CHN2: variants seen among roughly 807,000 people sequenced by gnomAD.
The protein encoded by CHN2 is beta-chimaerin.
In CHN2, 35 loss-of-function variants were observed where a neutral mutation model predicts 56.3. The observed-to-expected ratio is 0.62, with a 90% CI of 0.47 to 0.82. The LOEUF is 0.82. Ranked by LOEUF, CHN2 falls within the 40% of genes least tolerant of loss-of-function variation. The probability of loss-of-function intolerance (pLI) is 0.00; values close to 1 mark genes in which losing one functional copy is unlikely to be tolerated. For synonymous variants in CHN2, 210 were observed against 212.8 expected (o/e 0.99, Z 0.12); for missense variants, 491 against 580.5 (o/e 0.85, Z 1.58).
intron 6 of CHN2, among the ~76,000 whole-genome samples, chr7:29,456,615 T>A (rs10216022): frequency 7.2e-5 from 2 of 27,966 alleles, no homozygotes; most frequent in East Asian, 2.6e-3. Flanking sequence ...ACCCGCCCCC[T>A]CCCCCCCACC....
chr7:29,511,477 T>C (rs1452106597), intron 12 of CHN2, among the ~76,000 whole-genome samples: 1 of 152,226 alleles, frequency 6.6e-6, no homozygotes, highest in Non-Finnish European at 1.5e-5. Flanking sequence ...ACTGTATCTT[T>C]ATCATAGTGG....
At chr7:29,335,128 G>A (rs1263133919) in intron 1 of CHN2, among the ~76,000 whole-genome samples, 1 of 152,206 alleles carries the variant, frequency 6.6e-6, no homozygotes, top group Non-Finnish European at 1.5e-5. Flanking sequence ...AACAGAGCAT[G>A]CCTTCTTTCT....
chr7:29,266,275 C>T (rs943396171), intron 1 of CHN2, among the ~76,000 whole-genome samples: 1 of 152,204 alleles, frequency 6.6e-6, no homozygotes, highest in African/African-American at 2.4e-5. Flanking sequence ...TCTGTAACTC[C>T]TCCCTCCTCC....
At chr7:29,416,643 A>G (rs1176647625) in intron 6 of CHN2, among the ~76,000 whole-genome samples, 1 of 152,180 alleles carries the variant, frequency 6.6e-6, no homozygotes, top group African/African-American at 2.4e-5. Flanking sequence ...TGGTCCGGGA[A>G]CCACAGTTTG....
chr7:29,286,643 C>A (rs543092948), intron 1 of CHN2, among the ~76,000 whole-genome samples: 1 of 152,256 alleles, frequency 6.6e-6, no homozygotes, highest in East Asian at 1.9e-4. Context: ...GGTCATTGTT[C>A]TTGACAGCAC....
chr7:29,158,475 G>C (rs1036180417), intron 2 of CHN2, among the ~76,000 whole-genome samples: 1 of 152,174 alleles, frequency 6.6e-6, no homozygotes, highest in Admixed American at 6.5e-5. Context: ...GCTGAATCCT[G>C]AAAATTCAGG....
At chr7:29,214,477 A>G (rs1415249207) in intron 1 of CHN2, among the ~76,000 whole-genome samples, 1 of 152,204 alleles carries the variant, frequency 6.6e-6, no homozygotes, top group Non-Finnish European at 1.5e-5. Context: ...ACGCTTTGAC[A>G]GGAGGCTTCA....
Position 29,310,700 on chromosome 7 carries a change from C to T in CHN2, c.50-43925C>T, listed in dbSNP as rs377599177. Reference sequence around the variant, plus strand: ...ACAGGTTTGGTGTCTGGTGAAAACCCATTTCCTGATTCATAAACAGGGCCT... The same window carrying T: ...ACAGGTTTGGTGTCTGGTGAAAACCTATTTCCTGATTCATAAACAGGGCCT... On this transcript the variant is annotated intron_variant, in intron 1 of 12. Coordinates refer to ENST00000222792, the MANE Select transcript of CHN2 (RefSeq NM_004067.4). 3.3e-5 allele frequency among the ~76,000 whole-genome samples: 5 copies of T among 152,260 alleles called. No individual in the cohort carries two copies. The South Asian group carries it at 1.0e-3, about 32-fold the overall frequency.
intron 1 of CHN2, among the ~76,000 whole-genome samples, chr7:29,297,676 C>T (rs933120333): frequency 5.3e-5 from 8 of 151,970 alleles, no homozygotes; most frequent in African/African-American, 1.9e-4. Context: ...AAACGTTACC[C>T]TTTTGCCAGC....
upstream of CHN2, among the ~76,000 whole-genome samples, chr7:29,189,936 A>C (rs1053693245): frequency 1.7e-4 from 26 of 152,320 alleles, no homozygotes; most frequent in African/African-American, 5.5e-4. Flanking sequence ...GGAATTGGGT[A>C]GCAGAGGCGG....
intron 1 of CHN2, chr7:29,197,895 T>A (rs1783869523): frequency 8.8e-6 from 4 of 456,174 alleles, no homozygotes; most frequent in Admixed American, 7.0e-5. Flanking sequence ...AGTTGGGCCT[T>A]GAAAGCTGAG....
chr7:29,458,377 GCACACACACACACA>G (rs58364010), intron 6 of CHN2, among the ~76,000 whole-genome samples: 171 of 136,012 alleles, frequency 1.3e-3, no homozygotes, highest in East Asian at 5.9e-3. Context: ...GCATAGCTGT[GCACACACACACACA>G]CACACACACA....
At chr7:29,234,370 A>G (rs245952) in intron 1 of CHN2, among the ~76,000 whole-genome samples, 59,612 of 152,046 alleles carry the variant, frequency 0.39, 11,899 homozygotes, top group East Asian at 0.54. Flanking sequence ...AAAGCAGCAG[A>G]TTCTAAACCT....
intron 2 of CHN2, among the ~76,000 whole-genome samples, chr7:29,358,059 A>C (rs10269930): frequency 0.22 from 34,109 of 152,166 alleles, 4,521 homozygotes; most frequent in Non-Finnish European, 0.3. Flanking sequence ...TTTACTAGAG[A>C]CAGTATATTT....
chr7:29,465,312 C>G (rs1785471488), intron 6 of CHN2, among the ~76,000 whole-genome samples: 1 of 152,190 alleles, frequency 6.6e-6, no homozygotes, highest in African/African-American at 2.4e-5. Context: ...TAGCTAAACT[C>G]AAATGTCAAC....
chr7:29,201,270 GTCTCATGCCAC>G (rs1784138535), intron 1 of CHN2, among the ~76,000 whole-genome samples: 3 of 152,152 alleles, frequency 2.0e-5, no homozygotes, highest in Admixed American at 6.5e-5. Context: ...CTCAGAAACT[GTCTCATGCCAC>G]TCAGTTACTT....
intron 6 of CHN2, among the ~76,000 whole-genome samples, chr7:29,436,105 G>A (rs573773981): frequency 9.2e-5 from 14 of 152,172 alleles, no homozygotes; most frequent in African/African-American, 3.4e-4. Flanking sequence ...TCAAGTTGGA[G>A]ACCATAGAAT....
chr7:29,154,588 C>T (rs1041065941), intron 2 of CHN2, among the ~76,000 whole-genome samples: 5 of 152,162 alleles, frequency 3.3e-5, no homozygotes, highest in African/African-American at 1.2e-4. Context: ...AATCCCAGCA[C>T]TTTGGGAGGC....
intron 3 of CHN2, among the ~76,000 whole-genome samples, chr7:29,390,212 G>C (rs956196949): frequency 7.2e-5 from 11 of 152,086 alleles, no homozygotes; most frequent in African/African-American, 2.4e-4. Context: ...TCCTTTTTGA[G>C]CCAGCTGGAT....
Sources: allele counts gnomAD v4.1 joint callset (sites outside exome capture counted in the v4.1 genomes callset), GRCh38; gene constraint gnomAD v4.1.1; transcripts MANE v1.5; gene names NCBI Gene and HGNC (gene_info 2026-07-23, HGNC 2026-07-21).